The following LIN9 variants were observed in gnomAD, a reference collection of about 807,000 sequenced individuals.
LIN9 encodes lin-9 DREAM MuvB core complex component, also known as protein lin-9 homolog.
In LIN9, 18 loss-of-function variants were observed where a neutral mutation model predicts 78.0. That is an observed-to-expected ratio of 0.23 (90% CI 0.16 to 0.34). The LOEUF is 0.34. Among genes scored for constraint, LIN9 ranks in the 10% least tolerant of loss-of-function variants. The pLI is 1.00. For synonymous variants in LIN9, 192 were observed against 215.2 expected (o/e 0.89, Z 0.94); for missense variants, 451 against 644.1 (o/e 0.70, Z 3.25).
intron 8 of LIN9, among the ~76,000 whole-genome samples, chr1:226,267,238 TATA>T (rs1327804438): frequency 6.8e-6 from 1 of 147,176 alleles, no homozygotes; most frequent in African/African-American, 2.5e-5. Context: ...GAGATATATA[TATA>T]TATATATATA....
chr1:226,282,355 G>A (rs1426551160), intron 6 of LIN9, among the ~76,000 whole-genome samples: 1 of 152,138 alleles, frequency 6.6e-6, no homozygotes, highest in African/African-American at 2.4e-5. Flanking sequence ...ATTCTTGAAA[G>A]TGCTACATCA....
At chr1:226,234,121 G>C (rs1279416014) in intron 12 of LIN9, among the ~76,000 whole-genome samples, 1 of 152,112 alleles carries the variant, frequency 6.6e-6, no homozygotes, top group Non-Finnish European at 1.5e-5. Context: ...TGATCAATTG[G>C]TAAGTTAAGT....
intron 10 of LIN9, among the ~76,000 whole-genome samples, chr1:226,262,519 A>C (rs1293508133): frequency 2.0e-5 from 3 of 152,240 alleles, no homozygotes; most frequent in African/African-American, 7.2e-5. Context: ...GCAGATAAGC[A>C]TATGAAAAGA....
Position 226,266,198 on chromosome 1 carries a change from C to G in LIN9, c.936+15G>C. 1 of 1,511,140 alleles carries G rather than the reference C, an allele frequency of 6.6e-7. No homozygotes were observed. Among genetic ancestry groups the G allele is most frequent in the Non-Finnish European group, 8.9e-7 (1 of 1,122,858 alleles). 93.6% of individuals were successfully genotyped at this position (1,511,140 alleles called of 1,614,324 possible). On this transcript the variant is annotated intron_variant, in intron 9 of 14. Coordinates refer to ENST00000681046, the MANE Select transcript of LIN9 (RefSeq NM_001366245.2). Reference sequence around the variant, plus strand: ...AAAATCAATTAAATTATTGATATTTCTAAAATATACTTACTATAATTGGTG... The same window carrying G: ...AAAATCAATTAAATTATTGATATTTGTAAAATATACTTACTATAATTGGTG...
intron 1 of LIN9, among the ~76,000 whole-genome samples, chr1:226,301,736 A>G (rs1384784718): frequency 6.6e-6 from 1 of 152,222 alleles, no homozygotes; most frequent in Non-Finnish European, 1.5e-5. Context: ...AGGGGCTAGA[A>G]TAAAGTTGGA....
Position 226,263,101 on chromosome 1 carries a change from G to GT in LIN9, c.1038+2431dup, listed in dbSNP as rs760507905. 8.5e-5 allele frequency among the ~76,000 whole-genome samples: 13 copies of GT among 152,280 alleles called. 1 individual carries two copies. Among genetic ancestry groups the GT allele is most frequent in the South Asian group, 4.1e-4 (2 of 4,828 alleles). ...TGCAAAAGATAAAACTATGGAAACA[G>GT]TAAAAAGATCAGTGATTTCCAGGGG... On this transcript the variant is annotated intron_variant, in intron 10 of 14. Transcript: ENST00000681046.
intron 10 of LIN9, among the ~76,000 whole-genome samples, chr1:226,253,337 C>T (rs1455048169): frequency 6.6e-6 from 1 of 151,132 alleles, no homozygotes; most frequent in South Asian, 2.1e-4. Context: ...TGGAATCTTG[C>T]TCTGTCGCCC....
chr1:226,253,667 G>A (rs1457671460), intron 10 of LIN9, among the ~76,000 whole-genome samples: 1 of 151,714 alleles, frequency 6.6e-6, no homozygotes, highest in Non-Finnish European at 1.5e-5. Flanking sequence ...TGTAATCCCA[G>A]CACTTTGGGA....
At chr1:226,306,635 G>A (rs1662933610) in intron 1 of LIN9, among the ~76,000 whole-genome samples, 1 of 152,142 alleles carries the variant, frequency 6.6e-6, no homozygotes, top group South Asian at 2.1e-4. Context: ...GCAAATACAT[G>A]TAATATCCTT....
intron 12 of LIN9, among the ~76,000 whole-genome samples, chr1:226,238,318 TAAG>T (rs1458430823): frequency 6.6e-6 from 1 of 152,028 alleles, no homozygotes; most frequent in African/African-American, 2.4e-5. Context: ...CAAAAAAGAC[TAAG>T]AAGAAATAAA....
Position 226,308,602 on chromosome 1 carries a change from C to A in LIN9, c.31+507G>T, listed in dbSNP as rs534179485. 124 of 152,598 alleles carry A rather than the reference C, an allele frequency of 8.1e-4. 1 individual carries two copies. The highest frequency in any genetic ancestry group is 1.3e-3 in the Non-Finnish European group (89 of 68,264). The allele number at this position is 152,598 out of a possible 1,614,324, so 9.5% of individuals were successfully genotyped here. A position where few individuals can be genotyped will look rare whatever the true frequency, so the allele number is the denominator to read the frequency against. The stretch of plus-strand genomic sequence containing the variant: ...GGGAGGACAGTGAAGATCACAAGTG[C>A]CCGTAGAGGCAGGAGCTGTGACAGG... On this transcript the variant is annotated intron_variant, in intron 1 of 14. Transcript: ENST00000681046.
At chr1:226,264,246 G>T (rs1376987757) in intron 10 of LIN9, among the ~76,000 whole-genome samples, 7 of 151,966 alleles carry the variant, frequency 4.6e-5, no homozygotes, top group African/African-American at 1.7e-4. Flanking sequence ...TGGGTGTGGT[G>T]GCGTGCGCCT....
intron 7 of LIN9, among the ~76,000 whole-genome samples, chr1:226,269,858 T>C (rs993101953): frequency 1.3e-5 from 2 of 152,212 alleles, no homozygotes; most frequent in South Asian, 2.1e-4. Flanking sequence ...TATAAATCAA[T>C]GTGAGGCTTT....
At chr1:226,308,695 C>A (rs2666425) in intron 1 of LIN9, 1,854 of 153,786 alleles carry the variant, frequency 0.012, 16 homozygotes, top group Middle Eastern at 0.042. Flanking sequence ...GAGCCCTCCC[C>A]CGGCCCCGGG....
intron 10 of LIN9, among the ~76,000 whole-genome samples, chr1:226,255,215 A>C (rs1301946837): frequency 6.6e-6 from 1 of 152,154 alleles, no homozygotes; most frequent in Non-Finnish European, 1.5e-5. Context: ...CTTAGTGAAT[A>C]CTGCAGAAAT....
At chr1:226,267,191 G>A (rs1022414206) in intron 8 of LIN9, among the ~76,000 whole-genome samples, 1 of 148,056 alleles carries the variant, frequency 6.8e-6, no homozygotes, top group Non-Finnish European at 1.5e-5. Flanking sequence ...CTCCTATTGC[G>A]GAGAGATATC....
At chr1:226,246,701 G>A (rs1658499992) in intron 11 of LIN9, among the ~76,000 whole-genome samples, 1 of 151,202 alleles carries the variant, frequency 6.6e-6, no homozygotes, top group Non-Finnish European at 1.5e-5. Flanking sequence ...GCTAAGGCAG[G>A]AGAATGGTGT....
intron 7 of LIN9, among the ~76,000 whole-genome samples, chr1:226,272,692 C>A (rs2102929390): frequency 6.6e-6 from 1 of 151,898 alleles, no homozygotes; most frequent in South Asian, 2.1e-4. Context: ...TTGCTTCTAG[C>A]CCTCCTAGGC....
At chr1:226,273,193 C>T (rs1453280712) in intron 7 of LIN9, among the ~76,000 whole-genome samples, 3 of 151,540 alleles carry the variant, frequency 2.0e-5, no homozygotes, top group African/African-American at 7.3e-5. Flanking sequence ...CTATTTATCC[C>T]ATTTGGGTTT....
Sources: gnomAD v4.1 joint callset for allele counts (sites outside exome capture counted in the v4.1 genomes callset) on GRCh38, gnomAD v4.1.1 for gene constraint, MANE v1.5 for transcripts, NCBI Gene and HGNC (gene_info 2026-07-23, HGNC 2026-07-21) for gene names.